SCN2A: variants seen among roughly 807,000 people sequenced by gnomAD.
SCN2A encodes the protein sodium channel protein type 2 subunit alpha.
In SCN2A, 20 loss-of-function variants were observed where a neutral mutation model predicts 188.7. The ratio of observed to expected loss-of-function variants is 0.11; its 90% CI spans 0.07 to 0.15. The LOEUF is 0.15. SCN2A is among the 10% of genes least tolerant of loss of function. SCN2A has a pLI of 1.00. For missense variants in SCN2A, 1,278 were observed against 2,445.0 expected, an observed-to-expected ratio of 0.52 and a Z score of 10.07; for synonymous variants, 804 against 833.1, an observed-to-expected ratio of 0.97 and a Z score of 0.60.
At chr2:165,291,345 GTCGTTCGTTCCT>G (rs1267140204) in intron 1 of SCN2A, among the ~76,000 whole-genome samples, 1,185 of 102,768 alleles carry the variant, frequency 0.012, 25 homozygotes, top group African/African-American at 0.021. Flanking sequence ...GGACTTGTCT[GTCGTTCGTTCCT>G]TCCTTCCTTC....
intron 17 of SCN2A, among the ~76,000 whole-genome samples, chr2:165,355,859 C>T (rs1301447606): frequency 2.6e-5 from 4 of 151,784 alleles, no homozygotes; most frequent in Non-Finnish European, 5.9e-5. Context: ...ATTAGCCAGG[C>T]GTGGTGGTGC....
intron 1 of SCN2A, among the ~76,000 whole-genome samples, chr2:165,287,068 C>T (rs941443349): frequency 2.0e-5 from 3 of 151,942 alleles, no homozygotes; most frequent in Non-Finnish European, 2.9e-5. Flanking sequence ...AGGGAGAGAC[C>T]GAGGCAAGTT....
chr2:165,243,144 T>A (rs940810150), intron 1 of SCN2A, among the ~76,000 whole-genome samples: 6 of 152,172 alleles, frequency 3.9e-5, no homozygotes, highest in Admixed American at 3.9e-4. Flanking sequence ...TAAAAACAGG[T>A]TCTATTTAAA....
At chr2:165,383,978 A>G (rs991055704) in intron 25 of SCN2A, among the ~76,000 whole-genome samples, 2 of 152,108 alleles carry the variant, frequency 1.3e-5, no homozygotes, top group African/African-American at 4.8e-5. Context: ...TAAGATTCAG[A>G]GATTAGGTTT....
intron 15 of SCN2A, among the ~76,000 whole-genome samples, chr2:165,342,919 A>AAAGGAG (rs3835932): frequency 0.14 from 20,922 of 152,128 alleles, 1,468 homozygotes; most frequent in Non-Finnish European, 0.15. Flanking sequence ...GATAGTGTAC[A>AAAGGAG]AAGGAGAAGG....
At chr2:165,355,573 G>A (rs959880557) in intron 17 of SCN2A, among the ~76,000 whole-genome samples, 6 of 152,050 alleles carry the variant, frequency 3.9e-5, no homozygotes, top group Admixed American at 1.3e-4. Flanking sequence ...GAAAAACAAA[G>A]ATTCGTTCCT....
chr2:165,367,195 A>AT (rs1218490402), intron 18 of SCN2A, 22 bp from the exon 19 acceptor site: 6 of 1,613,410 alleles, frequency 3.7e-6, no homozygotes, highest in South Asian at 1.1e-5. Flanking sequence ...TTTTGTCTTC[A>AT]TTTTTTTCCC....
At chr2:165,246,012 ATGT>A (rs1693828989) in intron 1 of SCN2A, among the ~76,000 whole-genome samples, 1 of 152,112 alleles carries the variant, frequency 6.6e-6, no homozygotes, top group African/African-American at 2.4e-5. Flanking sequence ...CACTCCAATA[ATGT>A]TAAGCCTGAC....
intron 3 of SCN2A, among the ~76,000 whole-genome samples, chr2:165,306,264 G>A (rs144692330): frequency 1.7e-3 from 260 of 152,228 alleles, no homozygotes; most frequent in African/African-American, 6.0e-3. Context: ...CAGAGAGTGG[G>A]AGATGGAGCC....
chr2:165,336,564 G>T (rs182171739), intron 14 of SCN2A, among the ~76,000 whole-genome samples: 26 of 152,058 alleles, frequency 1.7e-4, no homozygotes, highest in Admixed American at 1.4e-3. Context: ...ATGAGTGGTT[G>T]CCAGGCAGTA....
chr2:165,356,703 A>T (rs1700197111), intron 17 of SCN2A, among the ~76,000 whole-genome samples: 1 of 152,182 alleles, frequency 6.6e-6, no homozygotes, highest in African/African-American at 2.4e-5. Flanking sequence ...TTAACTTGAC[A>T]TCCAGTCTTC....
Position 165,386,853 on chromosome 2 carries a change from T to A in SCN2A, c.4659T>A (p.Asp1553Glu). 6.2e-7 allele frequency: 1 copy of A among 1,613,998 alleles called. No homozygotes were observed. The highest frequency in any genetic ancestry group is 1.1e-5 in the South Asian group (1 of 91,076). Residue 1553 changes from aspartate to glutamate, a missense_variant, in exon 26 of 27, where the codon GAT (aspartate) becomes GAA (glutamate). Asp to Glu is a conservative substitution (Grantham distance 45). This residue lies in a region of SCN2A where 97 missense variants were observed against 266.1 expected (regional missense o/e 0.36). Transcript: ENST00000375437. Reference sequence around the variant, plus strand: ...TGGTCACCATGATGGTGGAAACCGATGACCAGAGTCAAGAAATGACAAACA... The same window carrying A: ...TGGTCACCATGATGGTGGAAACCGAAGACCAGAGTCAAGAAATGACAAACA... ...LNMVTMMVET[D>E]DQSQEMTNIL...
At chr2:165,291,403 C>A (rs541656804) in intron 1 of SCN2A, among the ~76,000 whole-genome samples, 4 of 126,186 alleles carry the variant, frequency 3.2e-5, no homozygotes, top group Non-Finnish European at 6.9e-5. Flanking sequence ...TTCCTTCCTT[C>A]CTTCCTTCCT....
intron 1 of SCN2A, among the ~76,000 whole-genome samples, chr2:165,257,868 G>T (rs1694398717): frequency 6.6e-6 from 1 of 152,138 alleles, no homozygotes; most frequent in African/African-American, 2.4e-5. Flanking sequence ...ATTCTCTAAT[G>T]ATCAGTGATG....
In SCN2A at chr2:165,244,544, G is replaced by A. The variant is rs115057646; in HGVS notation, c.-52+4904G>A. Among the ~76,000 whole-genome samples, 730 of 152,114 alleles carry A rather than the reference G, an allele frequency of 4.8e-3. 9 individuals carry two copies. Among genetic ancestry groups the A allele is most frequent in the African/African-American group, 0.016 (676 of 41,514 alleles). On this transcript the variant is annotated intron_variant, in intron 1 of 26. Coordinates refer to ENST00000375437, the MANE Select transcript of SCN2A (RefSeq NM_001040142.2). ...ATGTAATATCGTTTTGTTTATTAGTGAAACATTTTAGAGAAATGATTTAAG... is the reference window on the plus strand; with the variant it reads ...ATGTAATATCGTTTTGTTTATTAGTAAAACATTTTAGAGAAATGATTTAAG...
chr2:165,291,013 GT>G (rs1176665195), intron 1 of SCN2A, among the ~76,000 whole-genome samples: 1 of 116,698 alleles, frequency 8.6e-6, no homozygotes, highest in Non-Finnish European at 1.9e-5. Context: ...ATTTCCTGGT[GT>G]TTTTTTCTTT....
chr2:165,358,508 T>A (rs1004257630), intron 17 of SCN2A, among the ~76,000 whole-genome samples: 1 of 152,136 alleles, frequency 6.6e-6, no homozygotes, highest in East Asian at 1.9e-4. Context: ...ATTTAGAATA[T>A]AATTTCTTTG....
At chr2:165,280,479 TG>T (rs1304414432) in intron 1 of SCN2A, among the ~76,000 whole-genome samples, 2 of 152,154 alleles carry the variant, frequency 1.3e-5, no homozygotes, top group African/African-American at 4.8e-5. Flanking sequence ...TCTGTACCTG[TG>T]TCTTGCTTTA....
Position 165,323,304 on chromosome 2 carries a change from G to T in SCN2A, c.1820G>T (p.Arg607Leu). The change falls in exon 12 of 27, where the codon CGA (arginine) becomes CTA (leucine). Residue 607 changes from arginine to leucine, a missense_variant. Around this residue, in one of 17 missense-constraint regions of SCN2A, gnomAD observed 315 missense variants for 386.6 expected, o/e 0.81. Coordinates refer to ENST00000375437, the MANE Select transcript of SCN2A (RefSeq NM_001040142.2). ...EHSTFEDNDSRRDSLFVPHRH... is the reference protein window; with the variant it reads ...EHSTFEDNDSLRDSLFVPHRH... ...AGCACCTTTGAGGACAATGACAGCCGAAGAGACTCTCTGTTCGTGCCGCAC... is the reference window on the plus strand; with the variant it reads ...AGCACCTTTGAGGACAATGACAGCCTAAGAGACTCTCTGTTCGTGCCGCAC... The T allele has an allele frequency of 6.2e-7, 1 of 1,614,144 alleles. No homozygotes were observed.
Sources: allele counts gnomAD v4.1 joint callset (sites outside exome capture counted in the v4.1 genomes callset), GRCh38; gene constraint gnomAD v4.1.1; regional missense constraint gnomAD v4.1.1; transcripts MANE v1.5; gene names NCBI Gene and HGNC (gene_info 2026-07-23, HGNC 2026-07-21).